Variants in SYNE1 observed in about 807,000 individuals in gnomAD.
The protein encoded by SYNE1 is nesprin-1.
Under a neutral mutation model 1,111.0 loss-of-function variants are expected in SYNE1, and 616 were observed. That is an observed-to-expected ratio of 0.55 (90% CI 0.52 to 0.59). The LOEUF (loss-of-function observed/expected upper bound fraction) is 0.59, where lower values mean the gene tolerates loss of function less well. Ranked by LOEUF, SYNE1 falls within the 20% of genes least tolerant of loss-of-function variation. The pLI is 0.00. For synonymous variants in SYNE1, 3,855 were observed against 3,825.8 expected (o/e 1.01, Z -0.28); for missense variants, 10,006 against 10,417.0 (o/e 0.96, Z 1.72).
intron 112 of SYNE1, among the ~76,000 whole-genome samples, chr6:152,232,610 TATTA>T (rs1288620262): frequency 6.6e-6 from 1 of 152,222 alleles, no homozygotes; most frequent in Non-Finnish European, 1.5e-5. Context: ...AGATGTATTT[TATTA>T]ATTATCTTGT....
At chr6:152,392,012 C>T (rs1358508580) in intron 51 of SYNE1, among the ~76,000 whole-genome samples, 1 of 152,154 alleles carries the variant, frequency 6.6e-6, no homozygotes, top group Non-Finnish European at 1.5e-5. Flanking sequence ...AACCCTTCTG[C>T]TCAGCACTGT....
At chr6:152,123,719 A>C (rs1003177097) in intron 145 of SYNE1, among the ~76,000 whole-genome samples, 2 of 152,248 alleles carry the variant, frequency 1.3e-5, no homozygotes, top group African/African-American at 4.8e-5. Context: ...TGTAGCCAAA[A>C]GAAACACTCC....
In SYNE1 at chr6:152,573,877, G is replaced by A. The variant is rs147366198; in HGVS notation, c.68-33856C>T. On this transcript the variant is annotated intron_variant, in intron 3 of 145. Transcript: ENST00000367255. ...ACTTCTATGACTAAGAAACAAAACAGGTTCATTGTTAGATACAGCATAATA... is the reference window on the plus strand; with the variant it reads ...ACTTCTATGACTAAGAAACAAAACAAGTTCATTGTTAGATACAGCATAATA... Among the ~76,000 whole-genome samples, 138 of 152,166 alleles carry A rather than the reference G, an allele frequency of 9.1e-4. 3 individuals are homozygous for A. In the East Asian group the frequency reaches 0.024, roughly 26 times the overall value.
intron 130 of SYNE1, among the ~76,000 whole-genome samples, chr6:152,170,508 T>G (rs746257588): frequency 6.6e-6 from 1 of 152,338 alleles, no homozygotes; most frequent in Non-Finnish European, 1.5e-5. Context: ...GCCTCTTGAT[T>G]AGTTCTGTGC....
At chr6:152,201,613 TTCCTTGGAGTAA>T (rs1279869392) in intron 127 of SYNE1, among the ~76,000 whole-genome samples, 199 bp downstream of exon 127, 8 of 152,220 alleles carry the variant, frequency 5.3e-5, no homozygotes, top group Non-Finnish European at 1.0e-4. Flanking sequence ...TTTCATTTGC[TTCCTTGGAGTAA>T]TCCATAAACT....
intron 133 of SYNE1, 45 bp from the exon 134 acceptor site, chr6:152,152,186 A>C: frequency 2.5e-6 from 4 of 1,569,852 alleles, no homozygotes; most frequent in Non-Finnish European, 3.5e-6. Flanking sequence ...TCAGCGAAGG[A>C]CTCTCAGTAG....
chr6:152,252,283 TTAAATAAATAAA>T (rs34950680), intron 104 of SYNE1, among the ~76,000 whole-genome samples: 1 of 151,296 alleles, frequency 6.6e-6, no homozygotes, highest in African/African-American at 2.4e-5. Flanking sequence ...AATAAATAAA[TTAAATAAATAAA>T]TAAATAAATA....
chr6:152,215,419 C>T (rs180683973), intron 121 of SYNE1, among the ~76,000 whole-genome samples: 36 of 151,936 alleles, frequency 2.4e-4, no homozygotes, highest in East Asian at 2.1e-3. Flanking sequence ...ATTTTTATTA[C>T]GTGTATTATA....
chr6:152,527,215 T>C (rs956681802), intron 4 of SYNE1, among the ~76,000 whole-genome samples: 14 of 152,228 alleles, frequency 9.2e-5, no homozygotes, highest in African/African-American at 3.1e-4. Flanking sequence ...TTGGTTGGAA[T>C]GTAACTTTTT....
intron 3 of SYNE1, among the ~76,000 whole-genome samples, chr6:152,575,910 T>G (rs1289768482): frequency 6.6e-6 from 1 of 152,226 alleles, no homozygotes; most frequent in Non-Finnish European, 1.5e-5. Context: ...TTTTAAAATA[T>G]TCAGTGTAAA....
chr6:152,383,754 A>C (rs1477880246), intron 55 of SYNE1, among the ~76,000 whole-genome samples: 2 of 151,920 alleles, frequency 1.3e-5, no homozygotes, highest in South Asian at 4.2e-4. Context: ...ATCACTTTCA[A>C]CTCCATGTCT....
chr6:152,470,479 T>C (rs1230265477), intron 16 of SYNE1, among the ~76,000 whole-genome samples: 1 of 152,078 alleles, frequency 6.6e-6, no homozygotes, highest in Admixed American at 6.6e-5. Flanking sequence ...CAACTAAAAA[T>C]GAGTAAAGGA....
chr6:152,506,218 C>T (rs1211353519), intron 8 of SYNE1, among the ~76,000 whole-genome samples: 1 of 151,930 alleles, frequency 6.6e-6, no homozygotes, highest in African/African-American at 2.4e-5. Context: ...GATTTTTTTT[C>T]CTACATGTAA....
At chr6:152,353,070 A>G (rs1272090421) in intron 69 of SYNE1, among the ~76,000 whole-genome samples, 193 bp downstream of exon 69, 1 of 152,198 alleles carries the variant, frequency 6.6e-6, no homozygotes, top group African/African-American at 2.4e-5. Context: ...TCTGATAACA[A>G]CACATCATCA....
At chr6:152,171,908 TCTACAGAAA>T (rs1297895716) in intron 130 of SYNE1, among the ~76,000 whole-genome samples, 5 of 152,360 alleles carry the variant, frequency 3.3e-5, no homozygotes, top group Admixed American at 2.6e-4. Context: ...TATCTGGTCC[TCTACAGAAA>T]ACATTTGCCA....
chr6:152,615,053 CA>C (rs2099641949), intron 3 of SYNE1, among the ~76,000 whole-genome samples: 1 of 152,082 alleles, frequency 6.6e-6, no homozygotes, highest in Admixed American at 6.6e-5. Flanking sequence ...ATGGGTGCAG[CA>C]AACTAACATG....
intron 1 of SYNE1, 99 bp downstream of exon 1, chr6:152,637,090 T>C (rs2129051733): frequency 6.6e-6 from 1 of 152,080 alleles, no homozygotes; most frequent in South Asian, 2.1e-4. Flanking sequence ...CCACACCCCC[T>C]CCCCGGCTCC....
intron 3 of SYNE1, among the ~76,000 whole-genome samples, chr6:152,596,881 G>C (rs2099583528): frequency 6.6e-6 from 1 of 152,108 alleles, no homozygotes; most frequent in Non-Finnish European, 1.5e-5. Context: ...TTTCACAAAG[G>C]ACTGGTCCTC....
intron 3 of SYNE1, among the ~76,000 whole-genome samples, chr6:152,614,097 C>T (rs1045807188): frequency 5.9e-5 from 9 of 152,182 alleles, no homozygotes; most frequent in African/African-American, 2.2e-4. Context: ...ATGACTAAAA[C>T]ACCAAAAGCA....
Sources: gnomAD v4.1 joint callset for allele counts (sites outside exome capture counted in the v4.1 genomes callset) on GRCh38, gnomAD v4.1.1 for gene constraint, MANE v1.5 for transcripts, NCBI Gene and HGNC (gene_info 2026-07-23, HGNC 2026-07-21) for gene names.